Variants in ARID1B observed in about 807,000 individuals in gnomAD.
The protein encoded by ARID1B is AT-rich interactive domain-containing protein 1B.
In ARID1B, 30 loss-of-function variants were observed where a neutral mutation model predicts 212.3. The observed-to-expected ratio is 0.14, with a 90% CI of 0.11 to 0.19. ARID1B has a LOEUF of 0.19. Ranked by LOEUF, ARID1B falls within the 10% of genes least tolerant of loss-of-function variation. ARID1B has a pLI of 1.00. For synonymous variants in ARID1B, 1,402 were observed against 1,301.7 expected (o/e 1.08, Z -1.66); for missense variants, 2,891 against 3,204.0 (o/e 0.90, Z 2.36).
Position 157,174,718 on chromosome 6 carries a change from T to TTA in ARID1B, c.3346-108_3346-107dup, listed in dbSNP as rs1214659659. On this transcript the variant is annotated intron_variant, in intron 10 of 19. Transcript: ENST00000636930. ...TTTGTGTGTTTGTTTGTACATGTCT[T>TTA]TATATATATATATATATATATAATA... 9,924 of 244,128 alleles carry TTA rather than the reference T, an allele frequency of 0.041. 124 individuals are homozygous for TTA. The highest frequency in any genetic ancestry group is 0.065 in the African/African-American group (2,668 of 41,230). 15.1% of individuals were successfully genotyped at this position (244,128 alleles called of 1,614,324 possible). A position where few individuals can be genotyped will look rare whatever the true frequency, so the allele number is the denominator to read the frequency against.
At chr6:156,995,769 T>C (rs1483634507) in intron 4 of ARID1B, among the ~76,000 whole-genome samples, 1 of 152,194 alleles carries the variant, frequency 6.6e-6, no homozygotes, top group Admixed American at 6.5e-5. Flanking sequence ...TTTCATGTCA[T>C]TGATGTGGAA....
At chr6:157,187,196 T>C (rs922033409) in intron 13 of ARID1B, among the ~76,000 whole-genome samples, 1 of 152,038 alleles carries the variant, frequency 6.6e-6, no homozygotes, top group Non-Finnish European at 1.5e-5. Flanking sequence ...CTCCCCAGCC[T>C]GTAAGCTGGA....
intron 4 of ARID1B, among the ~76,000 whole-genome samples, chr6:157,017,671 A>G (rs1779985679): frequency 6.6e-6 from 1 of 152,204 alleles, no homozygotes; most frequent in African/African-American, 2.4e-5. Context: ...TCCTGAGACC[A>G]GACTGCATTC....
chr6:157,126,735 A>G lies in ARID1B; in HGVS notation c.2582-6293A>G, dbSNP rs144695215. ...ATGTTAGATATTTACTTGGGACCCTATAATTCCATAATACATTTAGTAATT... is the reference window on the plus strand; with the variant it reads ...ATGTTAGATATTTACTTGGGACCCTGTAATTCCATAATACATTTAGTAATT... On this transcript the variant is annotated intron_variant, in intron 6 of 19. Coordinates refer to ENST00000636930, the MANE Select transcript of ARID1B (RefSeq NM_001374828.1). Among the ~76,000 whole-genome samples, 583 of 152,362 alleles carry G rather than the reference A, an allele frequency of 3.8e-3. 3 individuals are homozygous for G. The highest frequency in any genetic ancestry group is 8.2e-3 in the Admixed American group (126 of 15,306).
intron 1 of ARID1B, among the ~76,000 whole-genome samples, chr6:156,785,947 A>G (rs539779184): frequency 1.3e-4 from 20 of 152,336 alleles, no homozygotes; most frequent in Admixed American, 2.6e-4. Context: ...TACAAAGGTT[A>G]GTAGTTTCAC....
chr6:157,047,221 G>T (rs1008009066), intron 4 of ARID1B, among the ~76,000 whole-genome samples: 24 of 152,122 alleles, frequency 1.6e-4, no homozygotes, highest in African/African-American at 5.8e-4. Flanking sequence ...ATTGGAATGG[G>T]TATGAGCACA....
At chr6:157,123,844 C>T (rs1423907038) in intron 6 of ARID1B, among the ~76,000 whole-genome samples, 1 of 152,248 alleles carries the variant, frequency 6.6e-6, no homozygotes, top group African/African-American at 2.4e-5. Context: ...CAGTTGTCAT[C>T]CACATTTTTC....
At chr6:156,981,100 A>G (rs1446197065) in intron 4 of ARID1B, among the ~76,000 whole-genome samples, 1 of 152,214 alleles carries the variant, frequency 6.6e-6, no homozygotes, top group Non-Finnish European at 1.5e-5. Context: ...ACTTGTAGCC[A>G]CTGTCCTCCC....
chr6:156,839,527 T>G (rs1049085018), intron 2 of ARID1B, among the ~76,000 whole-genome samples: 4 of 152,206 alleles, frequency 2.6e-5, no homozygotes, highest in Non-Finnish European at 4.4e-5. Flanking sequence ...GAGGAAAGAC[T>G]AGAATCCCCT....
chr6:157,027,652 T>C (rs1440169582), intron 4 of ARID1B, among the ~76,000 whole-genome samples: 1 of 152,180 alleles, frequency 6.6e-6, no homozygotes. Context: ...AATGTATTTG[T>C]TTTTAAAACA....
intron 2 of ARID1B, among the ~76,000 whole-genome samples, chr6:156,863,683 A>T (rs1785491029): frequency 6.6e-6 from 1 of 152,172 alleles, no homozygotes; most frequent in African/African-American, 2.4e-5. Context: ...TGACTTTCCA[A>T]AAGTATGAAA....
intron 7 of ARID1B, among the ~76,000 whole-genome samples, chr6:157,142,172 A>T (rs1360204555): frequency 6.6e-6 from 1 of 152,198 alleles, no homozygotes; most frequent in Admixed American, 6.5e-5. Context: ...ACATGAACGG[A>T]AATCAGATCA....
intron 4 of ARID1B, among the ~76,000 whole-genome samples, chr6:157,060,563 A>G (rs1044356255): frequency 1.3e-5 from 2 of 150,794 alleles, no homozygotes; most frequent in African/African-American, 4.9e-5. Context: ...CAAAGTTTCA[A>G]TCTGGTTAAC....
chr6:157,087,485 A>G (rs972263678), intron 5 of ARID1B, among the ~76,000 whole-genome samples: 1 of 152,208 alleles, frequency 6.6e-6, no homozygotes, highest in Non-Finnish European at 1.5e-5. Context: ...AAATGCAAAG[A>G]TTAAATGTGT....
Position 156,778,436 on chromosome 6 carries a change from C to T in ARID1B, c.756C>T (p.Gly252=), listed in dbSNP as rs1455669525. 2 of 1,450,764 alleles carry T rather than the reference C, an allele frequency of 1.4e-6. No individual in the cohort carries two copies. Among genetic ancestry groups the T allele is most frequent in the Non-Finnish European group, 9.0e-7 (1 of 1,107,718 alleles). The allele number at this position is 1,450,764 out of a possible 1,614,324, so 89.9% of individuals were successfully genotyped here. A position where few individuals can be genotyped will look rare whatever the true frequency, so the allele number is the denominator to read the frequency against. ...GCGCCAAGGACAGTGCTGCGGGCGG[C>T]CAGGCCGACCCCCCGGGCCCGCCGC... ...HGGAKDSAAG[G]QADPPGPPLL... The change falls in exon 1 of 20, where the codon GGC becomes GGT. Residue 252 remains glycine, a synonymous_variant. Coordinates refer to ENST00000636930, the MANE Select transcript of ARID1B (RefSeq NM_001374828.1).
chr6:156,976,080 AG>A (rs1461056162), intron 4 of ARID1B, among the ~76,000 whole-genome samples: 1 of 151,772 alleles, frequency 6.6e-6, no homozygotes, highest in East Asian at 1.9e-4. Flanking sequence ...AAGGGCTGGG[AG>A]GGGGTGTATT....
In ARID1B at chr6:157,021,464, G is replaced by C. The variant is rs573521951; in HGVS notation, c.2248-63198G>C. Reference sequence around the variant, plus strand: ...ACACAGCAGCCCGGCGGCCTCTGCCGGCAGGCCCCGCTCGCTCCTTTCGGC... The same window carrying C: ...ACACAGCAGCCCGGCGGCCTCTGCCCGCAGGCCCCGCTCGCTCCTTTCGGC... On this transcript the variant is annotated intron_variant, in intron 4 of 19. Coordinates refer to ENST00000636930, the MANE Select transcript of ARID1B (RefSeq NM_001374828.1). Among the ~76,000 whole-genome samples the C allele has an allele frequency of 3.7e-4, 57 of 152,316 alleles. 1 individual carries two copies. In the East Asian group the frequency reaches 6.2e-3, roughly 17 times the overall value.
chr6:157,184,235 A>G lies in ARID1B; in HGVS notation c.3719A>G (p.Asn1240Ser), dbSNP rs1391923441. ...TCCTGCCGTGTTTTTCACTAGGTTA[A>G]TAAAAACAAGAAGTGGCGTGAGCTG... ...VKEIGGLAQV[N>S]KNKKWRELAT... Residue 1240 changes from asparagine to serine, a missense_variant, in exon 13 of 20, where the codon AAT becomes AGT. Coordinates refer to ENST00000636930, the MANE Select transcript of ARID1B (RefSeq NM_001374828.1). 8.7e-6 allele frequency: 14 copies of G among 1,603,680 alleles called. No homozygotes were observed. Among genetic ancestry groups the G allele is most frequent in the East Asian group, 2.2e-5 (1 of 44,642 alleles).
At chr6:156,783,340 A>G (rs1779410541) in intron 1 of ARID1B, among the ~76,000 whole-genome samples, 2 of 152,186 alleles carry the variant, frequency 1.3e-5, no homozygotes, top group Admixed American at 6.5e-5. Context: ...ATTTAAAAAA[A>G]AAAAACATTA....
Sources: gnomAD v4.1 joint callset for allele counts (sites outside exome capture counted in the v4.1 genomes callset) on GRCh38, gnomAD v4.1.1 for gene constraint, MANE v1.5 for transcripts, NCBI Gene and HGNC (gene_info 2026-07-23, HGNC 2026-07-21) for gene names.